The following MBD5 variants were observed in gnomAD, a reference collection of about 807,000 sequenced individuals.
MBD5 encodes the protein methyl-CpG binding domain protein 5.
A neutral mutation model predicts 117.3 loss-of-function variants in MBD5; 13 were observed. That is an observed-to-expected ratio of 0.11 (90% CI 0.07 to 0.18). The LOEUF is 0.18. Ranked by LOEUF, MBD5 falls within the 10% of genes least tolerant of loss-of-function variation. MBD5 has a pLI of 1.00. For missense variants in MBD5, 1,879 were observed against 2,093.8 expected (o/e 0.90, Z 2.00); for synonymous variants, 727 against 766.4 (o/e 0.95, Z 0.85).
chr2:148,514,591 T>G lies in MBD5; in HGVS notation c.*1650T>G, dbSNP rs1012218525. The G allele has an allele frequency of 6.6e-6, 1 of 152,314 alleles. No homozygotes were observed. The highest frequency in any genetic ancestry group is 1.5e-5 in the Non-Finnish European group (1 of 68,114). 9.4% of individuals were successfully genotyped at this position (152,314 alleles called of 1,614,324 possible). On this transcript the variant is annotated 3_prime_UTR_variant, in exon 14 of 14. Coordinates refer to ENST00000642680, the MANE Select transcript of MBD5 (RefSeq NM_001378120.1). ...GTCTGCCACTCAGGCTGCTAGGAGA[T>G]TCTCCAATAGCAGGCTCAGCACCTC...
At chr2:148,158,703 TTTTGTTTG>T (rs145054978) in intron 1 of MBD5, among the ~76,000 whole-genome samples, 3 of 151,758 alleles carry the variant, frequency 2.0e-5, no homozygotes, top group Admixed American at 6.6e-5. Context: ...TTCCTGTAAT[TTTTGTTTG>T]TTTGTTTGTT....
At chr2:148,458,927 A>G in intron 5 of MBD5, 56 bp downstream of exon 5, 1 of 1,381,628 alleles carries the variant, frequency 7.2e-7, no homozygotes, top group Non-Finnish European at 1.0e-6. Context: ...AAGACTAAGG[A>G]GAGAACCAAG....
intron 1 of MBD5, among the ~76,000 whole-genome samples, chr2:148,138,448 T>C (rs1223578879): frequency 6.6e-6 from 1 of 152,228 alleles, no homozygotes; most frequent in African/African-American, 2.4e-5. Context: ...TTGGAATAAA[T>C]CTTATTCTTC....
rs188645664 is a variant in MBD5, at chr2:148,427,240, G to A, written c.-556-30963G>A. On this transcript the variant is annotated intron_variant, in intron 4 of 13. Coordinates refer to ENST00000642680, the MANE Select transcript of MBD5 (RefSeq NM_001378120.1). ...TAGTTCCACCATTGTGGAAGTTGGC[G>A]TGGCGATTCCTCAGGGATCTAGAAC... Among the ~76,000 whole-genome samples, 157 of 152,230 alleles carry A rather than the reference G, an allele frequency of 1.0e-3. 3 individuals are homozygous for A. The highest frequency in any genetic ancestry group is 3.1e-3 in the African/African-American group (130 of 41,530).
intron 3 of MBD5, among the ~76,000 whole-genome samples, chr2:148,332,921 G>C (rs969933575): frequency 6.6e-6 from 1 of 151,734 alleles, no homozygotes; most frequent in African/African-American, 2.4e-5. Context: ...GAACCTCCCA[G>C]ACTAATTTTC....
At chr2:148,145,142 T>G (rs1044884613) in intron 1 of MBD5, among the ~76,000 whole-genome samples, 2 of 123,682 alleles carry the variant, frequency 1.6e-5, no homozygotes. Context: ...TGTTTGTAGT[T>G]CTCCTTGAAG....
In MBD5 at chr2:148,021,343, T is replaced by C; in HGVS notation, c.-1266T>C. On this transcript the variant is annotated 5_prime_UTR_variant, in exon 1 of 14. Transcript: ENST00000642680. ...TTCTTCGAAAACCCCCATCCACGACTCCTACCCCCTCACCCCTCCAACTCG... is the reference window on the plus strand; with the variant it reads ...TTCTTCGAAAACCCCCATCCACGACCCCTACCCCCTCACCCCTCCAACTCG... 1 of 393,032 alleles carries C rather than the reference T, an allele frequency of 2.5e-6. No homozygotes were observed. The highest frequency in any genetic ancestry group is 5.1e-6 in the Non-Finnish European group (1 of 197,268). 24.3% of individuals were successfully genotyped at this position (393,032 alleles called of 1,614,324 possible).
chr2:148,462,465 T>G (rs1353691853), intron 5 of MBD5, 117 bp from the exon 6 acceptor site: 1 of 715,240 alleles, frequency 1.4e-6, no homozygotes, highest in East Asian at 2.7e-5. Context: ...AAGAAAATGC[T>G]TTTCCCTAGT....
chr2:148,312,249 A>G (rs1213103798), intron 3 of MBD5, among the ~76,000 whole-genome samples: 1 of 152,164 alleles, frequency 6.6e-6, no homozygotes, highest in East Asian at 1.9e-4. Flanking sequence ...AGTGTTTTCC[A>G]ACTTGGTTGC....
chr2:148,125,010 A>G (rs1324556713), intron 1 of MBD5, among the ~76,000 whole-genome samples: 1 of 151,432 alleles, frequency 6.6e-6, no homozygotes, highest in Non-Finnish European at 1.5e-5. Flanking sequence ...ATTTATTTAT[A>G]TTGAGATATA....
intron 1 of MBD5, among the ~76,000 whole-genome samples, chr2:148,036,936 C>A (rs1409267582): frequency 6.6e-6 from 1 of 151,458 alleles, no homozygotes; most frequent in Non-Finnish European, 1.5e-5. Flanking sequence ...GTTGGGGGAC[C>A]CAGAAAATAA....
At chr2:148,151,974 T>C (rs894149006) in intron 1 of MBD5, among the ~76,000 whole-genome samples, 1 of 151,974 alleles carries the variant, frequency 6.6e-6, no homozygotes, top group Admixed American at 6.6e-5. Context: ...ATTTCTTGCC[T>C]TCTGCTAGCT....
chr2:148,061,657 G>A (rs1486211726), intron 1 of MBD5, among the ~76,000 whole-genome samples: 1 of 151,830 alleles, frequency 6.6e-6, no homozygotes, highest in African/African-American at 2.4e-5. Flanking sequence ...TGTCATCTGT[G>A]TGTGTAATAC....
intron 12 of MBD5, among the ~76,000 whole-genome samples, chr2:148,508,322 G>A (rs1417924029): frequency 6.6e-6 from 1 of 151,958 alleles, no homozygotes; most frequent in Non-Finnish European, 1.5e-5. Flanking sequence ...GGAATGAATA[G>A]ATTATACAAA....
intron 4 of MBD5, among the ~76,000 whole-genome samples, chr2:148,412,157 G>A (rs1283498450): frequency 1.3e-5 from 2 of 151,982 alleles, no homozygotes; most frequent in Non-Finnish European, 2.9e-5. Context: ...AAGATCAAAT[G>A]GTTGTAGGTG....
At position 148,021,709 on chromosome 2, in the gene MBD5, T is replaced by C. The variant is rs189585801; in HGVS notation, c.-925+25T>C. Reference sequence around the variant, plus strand: ...GGTAAGTGTGTCTGTGGGGGCTTCATTGCCTTCCTCTGGCTCTGACTTTCA... The same window carrying C: ...GGTAAGTGTGTCTGTGGGGGCTTCACTGCCTTCCTCTGGCTCTGACTTTCA... On this transcript the variant is annotated intron_variant, in intron 1 of 13. Transcript: ENST00000642680. 1.4e-3 allele frequency: 452 copies of C among 329,566 alleles called. 2 individuals carry two copies. Among genetic ancestry groups the C allele is most frequent in the Non-Finnish European group, 6.2e-4 (101 of 163,990 alleles). The allele number at this position is 329,566 out of a possible 1,614,324, so 20.4% of individuals were successfully genotyped here. A position where few individuals can be genotyped will look rare whatever the true frequency, so the allele number is the denominator to read the frequency against.
chr2:148,041,926 ATGGTC>A (rs1394951150), intron 1 of MBD5, among the ~76,000 whole-genome samples: 1 of 152,214 alleles, frequency 6.6e-6, no homozygotes, highest in Admixed American at 6.5e-5. Flanking sequence ...AGAGCATTGT[ATGGTC>A]TTTTAACAAG....
chr2:148,450,701 A>T (rs906958271), intron 4 of MBD5, among the ~76,000 whole-genome samples: 1 of 152,152 alleles, frequency 6.6e-6, no homozygotes, highest in Non-Finnish European at 1.5e-5. Context: ...ATCAAATTCC[A>T]CTGGTCAAAG....
intron 4 of MBD5, among the ~76,000 whole-genome samples, chr2:148,367,174 C>T (rs1413180598): frequency 6.6e-6 from 1 of 152,122 alleles, no homozygotes; most frequent in Non-Finnish European, 1.5e-5. Context: ...AATAACACCA[C>T]ACATCTACAA....
Sources: allele counts gnomAD v4.1 joint callset (sites outside exome capture counted in the v4.1 genomes callset), GRCh38; gene constraint gnomAD v4.1.1; transcripts MANE v1.5; gene names NCBI Gene and HGNC (gene_info 2026-07-23, HGNC 2026-07-21).